ALG8: variants seen among roughly 807,000 people sequenced by gnomAD.
ALG8 encodes dolichyl pyrophosphate Glc1Man9GlcNAc2 alpha-1,3-glucosyltransferase.
A neutral mutation model predicts 70.2 loss-of-function variants in ALG8; 48 were observed. The observed-to-expected ratio is 0.68, with a 90% confidence interval of 0.54 to 0.87. ALG8 has a LOEUF of 0.87. ALG8 is among the 40% of genes least tolerant of loss of function. ALG8 has a pLI of 0.00. For synonymous variants in ALG8, 234 were observed against 229.0 expected (o/e 1.02, Z -0.20); for missense variants, 572 against 608.7 (o/e 0.94, Z 0.64).
intron 3 of ALG8, among the ~76,000 whole-genome samples, chr11:78,123,633 C>G (rs1429985058): frequency 6.6e-6 from 1 of 152,170 alleles, no homozygotes; most frequent in Non-Finnish European, 1.5e-5. Flanking sequence ...GTGTGCGCTA[C>G]TGTGCATGTA....
chr11:78,118,628 A>C lies in ALG8; in HGVS notation c.546+554T>G, dbSNP rs1182401557. Among the ~76,000 whole-genome samples the C allele has an allele frequency of 3.7e-3, 561 of 151,036 alleles. 8 individuals are homozygous for C. Among genetic ancestry groups the C allele is most frequent in the African/African-American group, 0.013 (524 of 41,142 alleles). ...GAGACTCATTCTCAAAAAAAAAAAA[A>C]AAAAAAAAACAAAAGCAAAGAAAAT... is the stretch of plus-strand genomic sequence containing the variant. On this transcript the variant is annotated intron_variant, in intron 5 of 12. Transcript: ENST00000299626.
intron 10 of ALG8, among the ~76,000 whole-genome samples, chr11:78,105,074 G>C (rs965705231): frequency 1.6e-4 from 24 of 152,128 alleles, no homozygotes; most frequent in African/African-American, 5.6e-4. Context: ...AACAGGACTT[G>C]GAGTTTCATT....
intron 1 of ALG8, chr11:78,139,175 G>A (rs1039933372): frequency 3.6e-5 from 15 of 411,232 alleles, no homozygotes; most frequent in African/African-American, 2.6e-4. Context: ...AACGGTACCT[G>A]GCACCTCAGG....
intron 9 of ALG8, among the ~76,000 whole-genome samples, chr11:78,108,488 G>A (rs932738918): frequency 8.5e-5 from 13 of 152,080 alleles, no homozygotes; most frequent in Admixed American, 7.2e-4. Context: ...GGGATGTACA[G>A]TCTAACAACT....
chr11:78,120,695 G>C (rs1255577146), intron 4 of ALG8, among the ~76,000 whole-genome samples: 3 of 152,168 alleles, frequency 2.0e-5, no homozygotes, highest in African/African-American at 4.8e-5. Context: ...AAGCACAAAT[G>C]CCTGACCATT....
chr11:78,125,877 G>C (rs564292407), intron 2 of ALG8, among the ~76,000 whole-genome samples: 6 of 152,020 alleles, frequency 3.9e-5, no homozygotes, highest in African/African-American at 1.4e-4. Flanking sequence ...AGAAATTTCT[G>C]GGCCGGGCGC....
At chr11:78,131,724 C>T (rs1861316645) in intron 1 of ALG8, among the ~76,000 whole-genome samples, 2 of 151,902 alleles carry the variant, frequency 1.3e-5, no homozygotes, top group South Asian at 4.2e-4. Context: ...CCTTGGCCTT[C>T]CAAAGTGCTG....
At chr11:78,126,629 A>G (rs527632472) in intron 2 of ALG8, among the ~76,000 whole-genome samples, 1 of 152,336 alleles carries the variant, frequency 6.6e-6, no homozygotes, top group South Asian at 2.1e-4. Context: ...TGATGTCTAC[A>G]CATCACATTT....
chr11:78,112,403 A>G (rs977322306), intron 8 of ALG8: 1 of 448,906 alleles, frequency 2.2e-6, no homozygotes, highest in Non-Finnish European at 4.1e-6. Context: ...TACATATTTT[A>G]TTTTTTCCCC....
At chr11:78,121,565 A>G (rs911315307) in intron 3 of ALG8, among the ~76,000 whole-genome samples, 3 of 152,012 alleles carry the variant, frequency 2.0e-5, no homozygotes, top group East Asian at 1.9e-4. Context: ...GAAAAAAAAA[A>G]AAAAAGAAAA....
rs188652995 is a variant in ALG8 at position 78,116,113 on chromosome 11, A to G, written c.547-1721T>C. Among the ~76,000 whole-genome samples, 146 of 152,280 alleles carry G rather than the reference A, an allele frequency of 9.6e-4. 1 individual carries two copies. In the East Asian group the frequency reaches 0.027, roughly 28 times the overall value. On this transcript the variant is annotated intron_variant, in intron 5 of 12. Transcript: ENST00000299626. Reference sequence around the variant, plus strand: ...GGTGGCTCATGCCTATAATCCCAGCACTTTGGGAGACCGAGGCGGGTGGAT... The same window carrying G: ...GGTGGCTCATGCCTATAATCCCAGCGCTTTGGGAGACCGAGGCGGGTGGAT...
chr11:78,117,779 T>G (rs7111745), intron 5 of ALG8, among the ~76,000 whole-genome samples: 3 of 127,558 alleles, frequency 2.4e-5, no homozygotes, highest in Middle Eastern at 5.2e-3. Context: ...CTCCAACTCT[T>G]AAGAAAAAAA....
chr11:78,115,990 T>C (rs911459613), intron 5 of ALG8, among the ~76,000 whole-genome samples: 5 of 152,210 alleles, frequency 3.3e-5, no homozygotes, highest in Admixed American at 1.3e-4. Flanking sequence ...TATATAGCAC[T>C]ATCAGGCTGA....
rs375108429 is a variant in ALG8, at chr11:78,124,174, G to A, written c.215C>T (p.Ala72Val). 9.3e-6 allele frequency: 15 copies of A among 1,614,012 alleles called. No homozygotes were observed. The highest frequency in any genetic ancestry group is 3.3e-5 in the Admixed American group (2 of 59,988). The change falls in exon 3 of 13, where the codon GCA (alanine) becomes GTA (valine). Residue 72 changes from alanine (A) to valine (V), a missense_variant. Coordinates refer to ENST00000299626, the MANE Select transcript of ALG8 (RefSeq NM_024079.5). Reference protein sequence around the residue: ...EWTLDYPPFFAWFEYILSHVA... With the variant: ...EWTLDYPPFFVWFEYILSHVA... ...ATGTGACAGGATATACTCAAACCATGCAAAGAAAGGGGGGTAATCCAACGT... is the reference window on the plus strand; with the variant it reads ...ATGTGACAGGATATACTCAAACCATACAAAGAAAGGGGGGTAATCCAACGT...
In ALG8 at chr11:78,128,437, A is replaced by G. The variant is rs191123561; in HGVS notation, c.96-1001T>C. Among the ~76,000 whole-genome samples, 3 of 152,232 alleles carry G rather than the reference A, an allele frequency of 2.0e-5. No homozygotes were observed. In the East Asian group the frequency reaches 5.8e-4, roughly 29 times the overall value. On this transcript the variant is annotated intron_variant, in intron 1 of 12. Coordinates refer to ENST00000299626, the MANE Select transcript of ALG8 (RefSeq NM_024079.5). Reference sequence around the variant, plus strand: ...ACAATGACAACTTTCTCCTACCTCCAGCCAACCCTTCTTTCTCAGTCATGG... The same window carrying G: ...ACAATGACAACTTTCTCCTACCTCCGGCCAACCCTTCTTTCTCAGTCATGG...
Position 78,114,277 on chromosome 11 carries a change from G to A in ALG8, c.662C>T (p.Ala221Val). The change falls in exon 6 of 13, where the codon GCA becomes GTA. Residue 221 changes from alanine (A) to valine (V), a missense_variant. Coordinates refer to ENST00000299626, the MANE Select transcript of ALG8 (RefSeq NM_024079.5). Reference protein sequence around the residue: ...VYLLRSYCFTANKPDGSIRWK... With the variant: ...VYLLRSYCFTVNKPDGSIRWK... ...TTACCAAAACTTGCCTGGTTTATTT[G>A]CAGTGAAACAGTAGGATCGCAGCAG... 1 of 1,614,110 alleles carries A rather than the reference G, an allele frequency of 6.2e-7. No individual in the cohort carries two copies.
intron 3 of ALG8, among the ~76,000 whole-genome samples, chr11:78,122,024 A>T (rs1316583925): frequency 2.6e-5 from 4 of 152,224 alleles, no homozygotes; most frequent in Non-Finnish European, 5.9e-5. Flanking sequence ...TGATTAGTAT[A>T]CGTGGGGGAG....
chr11:78,135,864 G>GAAAAAA (rs57209723), intron 1 of ALG8, among the ~76,000 whole-genome samples: 3 of 140,788 alleles, frequency 2.1e-5, no homozygotes, highest in African/African-American at 5.3e-5. Context: ...AAATAAATAA[G>GAAAAAA]AAAAAAAAAA....
chr11:78,136,352 T>C (rs969682550), intron 1 of ALG8, among the ~76,000 whole-genome samples: 12 of 149,928 alleles, frequency 8.0e-5, no homozygotes, highest in East Asian at 3.9e-4. Context: ...TATAGATAGA[T>C]AGACAGACAG....
Sources: gnomAD v4.1 joint callset for allele counts (sites outside exome capture counted in the v4.1 genomes callset) on GRCh38, gnomAD v4.1.1 for gene constraint, MANE v1.5 for transcripts, NCBI Gene and HGNC (gene_info 2026-07-23, HGNC 2026-07-21) for gene names.